KANK2: variants seen among roughly 807,000 people sequenced by gnomAD.
The protein encoded by KANK2 is KN motif and ankyrin repeat domain-containing protein 2.
KANK2 carries 41 observed loss-of-function variants against 74.6 expected under a neutral mutation model. That is an observed-to-expected ratio of 0.55 (90% CI 0.43 to 0.71). The LOEUF is 0.71. KANK2 is among the 30% of genes least tolerant of loss of function. The probability of loss-of-function intolerance (pLI) is 0.00; values close to 1 mark genes in which losing one functional copy is unlikely to be tolerated. For missense variants in KANK2, 1,148 were observed against 1,196.4 expected (o/e 0.96, Z 0.60); for synonymous variants, 537 against 519.0 (o/e 1.03, Z -0.47).
At position 11,197,030 on chromosome 19, in the gene KANK2, C is replaced by A. The variant is rs1163509955; in HGVS notation, c.-279+455G>T. The A allele has an allele frequency of 5.3e-5, 8 of 152,244 alleles. No individual in the cohort carries two copies. In the East Asian group the frequency reaches 1.6e-3, roughly 30 times the overall value. The allele number at this position is 152,244 out of a possible 1,614,324, so 9.4% of individuals were successfully genotyped here. ...CTGCCGCTCCCCACGCCGGCCCAGC[C>A]GCCAAGCCCAGGCCCAGCCCGGCCG... On this transcript the variant is annotated intron_variant, in intron 1 of 12. Transcript: ENST00000586659.
chr19:11,190,167 C>G (rs1600823160), intron 4 of KANK2, among the ~76,000 whole-genome samples: 1 of 151,176 alleles, frequency 6.6e-6, no homozygotes, highest in African/African-American at 2.4e-5. Flanking sequence ...GATGGAGTCT[C>G]ACTGTCATCC....
rs1568639573 is a variant in KANK2, at chr19:11,166,545, G to GC, written c.*12dup. 6.2e-7 allele frequency: 1 copy of GC among 1,613,028 alleles called. No individual in the cohort carries two copies. Among genetic ancestry groups the GC allele is most frequent in the Admixed American group, 1.7e-5 (1 of 60,006 alleles). ...TTTGCTCCCGGTCTGGCTGGTCCCC[G>GC]CCTCCCTCACGGCTACTCTTCTGCC... On this transcript the variant is annotated 3_prime_UTR_variant, in exon 13 of 13. Coordinates refer to ENST00000586659, the MANE Select transcript of KANK2 (RefSeq NM_001136191.3).
chr19:11,174,785 T>C, intron 8 of KANK2, 93 bp from the exon 9 acceptor site: 3 of 1,001,780 alleles, frequency 3.0e-6, no homozygotes, highest in Non-Finnish European at 4.5e-6. Flanking sequence ...CAAAGCGTGG[T>C]GCCCTTGTCC....
intron 4 of KANK2, 49 bp downstream of exon 4, chr19:11,192,782 G>GCCC: frequency 1.3e-6 from 2 of 1,543,172 alleles, no homozygotes; most frequent in Admixed American, 3.7e-5. Flanking sequence ...GGAAGAAAGA[G>GCCC]GCCCCCCCCC....
At chr19:11,171,266 C>T (rs549941381) in intron 10 of KANK2, among the ~76,000 whole-genome samples, 1 of 151,974 alleles carries the variant, frequency 6.6e-6, no homozygotes, top group African/African-American at 2.4e-5. Context: ...ACAGCCTGGA[C>T]AACTTGGCAA....
At chr19:11,182,892 A>C (rs1193157370) in intron 4 of KANK2, among the ~76,000 whole-genome samples, 1 of 151,766 alleles carries the variant, frequency 6.6e-6, no homozygotes, top group Non-Finnish European at 1.5e-5. Context: ...CTAGAGCAGA[A>C]CCAAAGCCCA....
intron 5 of KANK2, 24 bp downstream of exon 5, chr19:11,178,529 T>C (rs2078416645): frequency 1.2e-6 from 2 of 1,603,124 alleles, no homozygotes; most frequent in Non-Finnish European, 1.7e-6. Context: ...GCCCCGTCCC[T>C]CTTGGCGGCC....
chr19:11,180,509 G>T (rs2078483608), intron 4 of KANK2, among the ~76,000 whole-genome samples: 1 of 152,048 alleles, frequency 6.6e-6, no homozygotes. Context: ...AACATAGACA[G>T]GGCCGGCTGC....
chr19:11,190,355 T>C (rs1441098855), intron 4 of KANK2, among the ~76,000 whole-genome samples: 2 of 152,068 alleles, frequency 1.3e-5, no homozygotes, highest in African/African-American at 4.8e-5. Flanking sequence ...CTTGAACCCC[T>C]GAGCTCAGGT....
In KANK2 at chr19:11,166,399, G is replaced by A. The variant is rs113465835; in HGVS notation, c.*159C>T. The A allele has an allele frequency of 1.9e-3, 1,232 of 658,714 alleles. 11 individuals carry two copies. In the East Asian group the frequency reaches 0.019, roughly 10 times the overall value. 40.8% of individuals were successfully genotyped at this position (658,714 alleles called of 1,614,324 possible). A position where few individuals can be genotyped will look rare whatever the true frequency, so the allele number is the denominator to read the frequency against. On this transcript the variant is annotated 3_prime_UTR_variant, in exon 13 of 13. Transcript: ENST00000586659. ...TTGGAGCTGGAGTCCTGTGGCCGTC[G>A]GGGCTCCCCCAGGGAAGCAGAGGGA...
chr19:11,188,302 C>T (rs575971486), intron 4 of KANK2, among the ~76,000 whole-genome samples: 14 of 152,072 alleles, frequency 9.2e-5, no homozygotes, highest in African/African-American at 2.6e-4. Context: ...TCCGCCTCCC[C>T]GGTTCAAGCG....
chr19:11,183,040 C>A (rs555186917), intron 4 of KANK2, among the ~76,000 whole-genome samples: 44 of 152,126 alleles, frequency 2.9e-4, no homozygotes, highest in Non-Finnish European at 5.3e-4. Context: ...TTATTGTTAT[C>A]CCACTGGGGA....
intron 4 of KANK2, among the ~76,000 whole-genome samples, chr19:11,184,936 C>T (rs1181018763): frequency 6.7e-6 from 1 of 148,180 alleles, no homozygotes; most frequent in Non-Finnish European, 1.5e-5. Flanking sequence ...CCTCAGCCTC[C>T]CGAGTAGCTG....
rs376191840 is a variant in KANK2, at chr19:11,171,559, T to TGG, written c.2212-1313_2212-1312dup. ...TTTTTTAATAGAGAGGAGGTGGGGG[T>TGG]GGGGGGGTGTCTCTAGGTTCCCCAG... On this transcript the variant is annotated intron_variant, in intron 10 of 12. Transcript: ENST00000586659. 2.3e-4 allele frequency among the ~76,000 whole-genome samples: 26 copies of TGG among 114,458 alleles called. 1 individual carries two copies. In the South Asian group the frequency reaches 8.1e-3, roughly 35 times the overall value. 75.1% of individuals were successfully genotyped at this position (114,458 alleles called of 152,430 possible). A position where few individuals can be genotyped will look rare whatever the true frequency, so the allele number is the denominator to read the frequency against.
chr19:11,187,666 C>T (rs1358572733), intron 4 of KANK2, among the ~76,000 whole-genome samples: 1 of 152,156 alleles, frequency 6.6e-6, no homozygotes. Flanking sequence ...GGAACGCAGC[C>T]ACGTTCGTTC....
rs2078944883 is a variant in KANK2, at chr19:11,194,048, G to C, written c.38-6C>G. 2.5e-6 allele frequency: 4 copies of C among 1,596,210 alleles called. No homozygotes were observed. The highest frequency in any genetic ancestry group is 3.4e-6 in the Non-Finnish European group (4 of 1,170,696). On this transcript the variant is annotated splice_polypyrimidine_tract_variant and splice_region_variant and intron_variant, in intron 3 of 12. Coordinates refer to ENST00000586659, the MANE Select transcript of KANK2 (RefSeq NM_001136191.3). ...GGAGGCTGGGCCAGGGGTCCCTGGG[G>C]ATGGGAGAAACACCAGGACCTTTGA...
chr19:11,197,403 GGTA>G (rs1483647011), intron 1 of KANK2, 79 bp downstream of exon 1: 1 of 151,550 alleles, frequency 6.6e-6, no homozygotes, highest in Non-Finnish European at 1.5e-5. Context: ...CGGGGGGTAG[GGTA>G]GTAGGTGTGT....
intron 8 of KANK2, 135 bp downstream of exon 8, chr19:11,175,767 C>A: frequency 1.7e-6 from 1 of 597,134 alleles, no homozygotes. Flanking sequence ...CACCACCACC[C>A]CCATGCTCTG....
chr19:11,166,935 C>A (rs565158023), intron 12 of KANK2, among the ~76,000 whole-genome samples: 1 of 152,206 alleles, frequency 6.6e-6, no homozygotes, highest in South Asian at 2.1e-4. Context: ...ACAGCACGTG[C>A]AAAGGCCCTG....
Sources: gnomAD v4.1 joint callset for allele counts (sites outside exome capture counted in the v4.1 genomes callset) on GRCh38, gnomAD v4.1.1 for gene constraint, MANE v1.5 for transcripts, NCBI Gene and HGNC (gene_info 2026-07-23, HGNC 2026-07-21) for gene names.